KATNIP: variants seen among roughly 807,000 people sequenced by gnomAD.
KATNIP encodes the protein katanin interacting protein.
A neutral mutation model predicts 174.0 loss-of-function variants in KATNIP; 126 were observed. That is an observed-to-expected ratio of 0.72 (90% confidence interval 0.63 to 0.84). The LOEUF is 0.84. Among genes scored for constraint, KATNIP ranks in the 40% least tolerant of loss-of-function variants. The pLI, the probability that KATNIP is intolerant of heterozygous loss-of-function variation, is 0.00. For missense variants in KATNIP, 1,958 were observed against 2,109.7 expected (o/e 0.93, Z 1.41); for synonymous variants, 810 against 835.7 (o/e 0.97, Z 0.53).
At chr16:27,678,142 T>C in intron 7 of KATNIP, 146 bp downstream of exon 7, 1 of 909,624 alleles carries the variant, frequency 1.1e-6, no homozygotes, top group Non-Finnish European at 1.6e-6. Context: ...TCTCTGTTGA[T>C]TGCAAGACGC....
intron 18 of KATNIP, among the ~76,000 whole-genome samples, chr16:27,758,903 C>G (rs1462053987): frequency 6.6e-6 from 1 of 152,180 alleles, no homozygotes; most frequent in Non-Finnish European, 1.5e-5. Flanking sequence ...AGAATGCAAG[C>G]TTCTTGAGTT....
rs764848975 is a variant in KATNIP, at chr16:27,708,922, T to C, written c.1605+2T>C. ...CGCCTCGTCAACAGGAACTTAGCTG[T>C]GAGTGGAAGGGGCACTGGATTGCTT... On this transcript the variant is annotated splice_donor_variant, in intron 13 of 27. Transcript: ENST00000261588. LOFTEE classifies it high-confidence loss of function. 3 of 1,608,798 alleles carry C rather than the reference T, an allele frequency of 1.9e-6. No individual in the cohort carries two copies. The highest frequency in any genetic ancestry group is 2.5e-6 in the Non-Finnish European group (3 of 1,176,692).
chr16:27,747,406 C>G (rs1348436560), intron 15 of KATNIP, among the ~76,000 whole-genome samples: 1 of 151,812 alleles, frequency 6.6e-6, no homozygotes, highest in African/African-American at 2.4e-5. Flanking sequence ...ACTTTAGGCA[C>G]AGCTGGATCC....
chr16:27,746,650 G>T (rs1358855753), intron 15 of KATNIP, among the ~76,000 whole-genome samples: 1 of 152,242 alleles, frequency 6.6e-6, no homozygotes, highest in Non-Finnish European at 1.5e-5. Flanking sequence ...TCTCCAAGGA[G>T]GCGGGTGACA....
At chr16:27,701,784 T>G in intron 11 of KATNIP, 89 bp downstream of exon 11, 1 of 869,736 alleles carries the variant, frequency 1.1e-6, no homozygotes, top group Non-Finnish European at 1.8e-6. Flanking sequence ...TTTTCCTACG[T>G]TTTTTTCAGA....
At chr16:27,773,475 G>A (rs950003597) in intron 23 of KATNIP, among the ~76,000 whole-genome samples, 3 of 152,150 alleles carry the variant, frequency 2.0e-5, no homozygotes, top group African/African-American at 7.2e-5. Context: ...CAACTATAGC[G>A]CCCCCTTCTC....
chr16:27,751,390 G>C (rs1262906118), intron 16 of KATNIP, among the ~76,000 whole-genome samples: 1 of 152,128 alleles, frequency 6.6e-6, no homozygotes, highest in African/African-American at 2.4e-5. Context: ...TCCAGGCAAG[G>C]CACTCTGAGA....
rs762253379 is a variant in KATNIP at position 27,740,319 on chromosome 16, A to G, written c.2022A>G (p.Gln674=). Residue 674 remains glutamine, a synonymous_variant, in exon 15 of 28, where the codon CAA becomes CAG. Coordinates refer to ENST00000261588, the MANE Select transcript of KATNIP (RefSeq NM_015202.5). The part of the protein sequence containing the change: ...ETLADAKLSS[Q]GNVSGKRKNS... ...TAGCGGATGCAAAGCTTTCTTCACA[A>G]GGAAATGTGTCTGGCAAAAGAAAGA... The G allele has an allele frequency of 1.1e-5, 18 of 1,614,240 alleles. 1 individual carries two copies. Among genetic ancestry groups the G allele is most frequent in the Middle Eastern group, 3.3e-4 (2 of 6,062 alleles).
In KATNIP at chr16:27,703,970, C is replaced by T. The variant is rs2079199701; in HGVS notation, c.1361C>T (p.Pro454Leu). The change falls in exon 12 of 28, where the codon CCA (proline) becomes CTA (leucine). Residue 454 changes from proline (P) to leucine (L), a missense_variant. This residue lies in a region of KATNIP where 1,557 missense variants were observed against 1,617.8 expected (regional missense o/e 0.96). Transcript: ENST00000261588. ...GCCCATCTCGGCAGGGTGGTTTCAC[C>T]AACCAAGGAGCAAGTATCAGACACA... ...DSAHLGRVVSPTKEQVSDTED... is the reference protein window; with the variant it reads ...DSAHLGRVVSLTKEQVSDTED... 6.2e-7 allele frequency: 1 copy of T among 1,614,020 alleles called. No homozygotes were observed. Among genetic ancestry groups the T allele is most frequent in the African/African-American group, 1.3e-5 (1 of 74,932 alleles).
intron 2 of KATNIP, among the ~76,000 whole-genome samples, chr16:27,606,163 C>T (rs1310855007): frequency 2.0e-5 from 3 of 152,068 alleles, no homozygotes; most frequent in Admixed American, 2.0e-4. Flanking sequence ...GGCTCAGATA[C>T]TTTCTCATTT....
At chr16:27,715,917 T>C (rs1290541539) in intron 13 of KATNIP, among the ~76,000 whole-genome samples, 3 of 151,860 alleles carry the variant, frequency 2.0e-5, no homozygotes, top group African/African-American at 7.3e-5. Flanking sequence ...GGGTTACCCA[T>C]GACCTAGCAA....
At chr16:27,745,269 C>T (rs2081248535) in intron 15 of KATNIP, among the ~76,000 whole-genome samples, 1 of 152,204 alleles carries the variant, frequency 6.6e-6, no homozygotes. Context: ...GAAGGAAGAA[C>T]CAGAAAGTTG....
At chr16:27,711,208 G>A (rs1165556117) in intron 13 of KATNIP, among the ~76,000 whole-genome samples, 3 of 152,214 alleles carry the variant, frequency 2.0e-5, no homozygotes, top group Non-Finnish European at 4.4e-5. Context: ...CACCACGGGT[G>A]TGGTCTTTTG....
chr16:27,639,179 C>T (rs2076725208), intron 5 of KATNIP, among the ~76,000 whole-genome samples: 2 of 152,358 alleles, frequency 1.3e-5, no homozygotes, highest in South Asian at 4.1e-4. Flanking sequence ...CATCCCAACT[C>T]TGGCTCCTGG....
At chr16:27,552,942 C>T (rs1435276056) in intron 1 of KATNIP, among the ~76,000 whole-genome samples, 1 of 152,168 alleles carries the variant, frequency 6.6e-6, no homozygotes, top group African/African-American at 2.4e-5. Context: ...GATCCGCCCG[C>T]CTTGGCCTCC....
intron 5 of KATNIP, among the ~76,000 whole-genome samples, chr16:27,638,849 T>TC (rs1397267357): frequency 2.0e-5 from 3 of 150,076 alleles, no homozygotes; most frequent in African/African-American, 4.9e-5. Flanking sequence ...TTTTTTTTTT[T>TC]TTTTTTTGAG....
chr16:27,733,052 T>G (rs1236046300), intron 14 of KATNIP, among the ~76,000 whole-genome samples: 12 of 152,122 alleles, frequency 7.9e-5, no homozygotes, highest in Admixed American at 7.9e-4. Flanking sequence ...TGGCATGTGG[T>G]TTTTGGGCCT....
chr16:27,777,485 G>T lies in KATNIP; in HGVS notation c.4552-125G>T. 1 of 831,372 alleles carries T rather than the reference G, an allele frequency of 1.2e-6. No homozygotes were observed. Among genetic ancestry groups the T allele is most frequent in the Non-Finnish European group, 1.8e-6 (1 of 546,100 alleles). The allele number at this position is 831,372 out of a possible 1,614,324, so 51.5% of individuals were successfully genotyped here. On this transcript the variant is annotated intron_variant, in intron 25 of 27. Coordinates refer to ENST00000261588, the MANE Select transcript of KATNIP (RefSeq NM_015202.5). The surrounding 1 kb of genome is among the most constrained non-coding windows in gnomAD (Gnocchi z 4.4). ...AAGGCAGACACAGCACACAGTAGGC[G>T]CTTGTTCCTGACAGCCCCGTCTTCC...
intron 2 of KATNIP, among the ~76,000 whole-genome samples, chr16:27,604,667 A>C (rs956469487): frequency 5.9e-5 from 9 of 152,206 alleles, no homozygotes; most frequent in Admixed American, 3.9e-4. Context: ...TGTTCAGCCA[A>C]TACTGAAGAA....
Sources: gnomAD v4.1 joint callset for allele counts (sites outside exome capture counted in the v4.1 genomes callset) on GRCh38, gnomAD v4.1.1 for gene constraint, gnomAD v4.1.1 regional missense constraint, Gnocchi (gnomAD v3.1) non-coding constraint, MANE v1.5 for transcripts, NCBI Gene and HGNC (gene_info 2026-07-23, HGNC 2026-07-21) for gene names.